Variants in CNTNAP2 observed in about 807,000 individuals in gnomAD.
CNTNAP2 encodes contactin-associated protein-like 2.
In CNTNAP2, 98 loss-of-function variants were observed where a neutral mutation model predicts 155.2. The observed-to-expected ratio is 0.63, with a 90% CI of 0.54 to 0.75. The LOEUF is 0.75. Ranked by LOEUF, CNTNAP2 falls within the 30% of genes least tolerant of loss-of-function variation. CNTNAP2 has a pLI of 0.00. For missense variants in CNTNAP2, 1,727 were observed against 1,688.1 expected (o/e 1.02, Z -0.40); for synonymous variants, 651 against 631.2 (o/e 1.03, Z -0.47).
chr7:146,766,505 A>G (rs1802197258), intron 1 of CNTNAP2, among the ~76,000 whole-genome samples: 3 of 152,182 alleles, frequency 2.0e-5, no homozygotes, highest in Admixed American at 6.6e-5. Flanking sequence ...TGAAGTCACT[A>G]TAGAAACCAT....
chr7:147,658,978 G>T (rs1007435593), intron 13 of CNTNAP2, among the ~76,000 whole-genome samples: 21 of 152,126 alleles, frequency 1.4e-4, no homozygotes, highest in Admixed American at 1.4e-3. Flanking sequence ...GAACTCTTCA[G>T]GGAGGCCCCC....
intron 8 of CNTNAP2, among the ~76,000 whole-genome samples, chr7:147,165,912 C>T (rs549896108): frequency 1.6e-4 from 24 of 152,196 alleles, no homozygotes; most frequent in Middle Eastern, 3.4e-3. Flanking sequence ...GAAAAGGGAA[C>T]GCTTCTACAC....
Position 147,871,985 on chromosome 7 carries a change from AG to A in CNTNAP2, c.2099-31579del, listed in dbSNP as rs1799335294. Among the ~76,000 whole-genome samples the A allele has an allele frequency of 2.0e-5, 3 of 152,194 alleles. No homozygotes were observed. In the South Asian group the frequency reaches 6.2e-4, roughly 32 times the overall value. ...ACGTGTTTTAACTTTTATTCACATGAGTGAAATTGATTTTTAAATTACCACT... is the reference window on the plus strand; with the variant it reads ...ACGTGTTTTAACTTTTATTCACATGATGAAATTGATTTTTAAATTACCACT... On this transcript the variant is annotated intron_variant, in intron 13 of 23. Transcript: ENST00000361727.
intron 1 of CNTNAP2, among the ~76,000 whole-genome samples, chr7:146,410,225 C>A (rs1355420155): frequency 6.6e-6 from 1 of 152,156 alleles, no homozygotes; most frequent in African/African-American, 2.4e-5. Flanking sequence ...TTCTTTCAAC[C>A]TTTTATTTTT....
At chr7:147,670,639 G>A (rs1795771483) in intron 13 of CNTNAP2, among the ~76,000 whole-genome samples, 1 of 152,192 alleles carries the variant, frequency 6.6e-6, no homozygotes, top group Non-Finnish European at 1.5e-5. Context: ...TCTGGCCAGA[G>A]ATGGCCAGAC....
At chr7:146,422,000 C>G (rs1443302620) in intron 1 of CNTNAP2, among the ~76,000 whole-genome samples, 1 of 151,772 alleles carries the variant, frequency 6.6e-6, no homozygotes, top group Non-Finnish European at 1.5e-5. Flanking sequence ...CTACTGCATT[C>G]TATTCAACAA....
chr7:147,314,327 A>C (rs1384744755), intron 9 of CNTNAP2, among the ~76,000 whole-genome samples: 1 of 152,166 alleles, frequency 6.6e-6, no homozygotes, highest in Non-Finnish European at 1.5e-5. Flanking sequence ...AGTTAGCCTT[A>C]AACTTACATT....
intron 12 of CNTNAP2, among the ~76,000 whole-genome samples, chr7:147,630,420 C>T (rs1009559146): frequency 6.7e-6 from 1 of 149,766 alleles, no homozygotes; most frequent in Non-Finnish European, 1.5e-5. Context: ...ACCAATCTTA[C>T]TGAAACTATT....
chr7:148,141,506 A>G (rs1248881532), intron 16 of CNTNAP2, among the ~76,000 whole-genome samples: 3 of 152,226 alleles, frequency 2.0e-5, no homozygotes, highest in East Asian at 1.9e-4. Context: ...CAGAGTATCC[A>G]TGTGATCACT....
At chr7:147,698,761 G>T (rs1426333236) in intron 13 of CNTNAP2, among the ~76,000 whole-genome samples, 2 of 152,096 alleles carry the variant, frequency 1.3e-5, no homozygotes, top group East Asian at 3.9e-4. Flanking sequence ...ATGGGGTTTT[G>T]CCATGTTACC....
intron 23 of CNTNAP2, among the ~76,000 whole-genome samples, chr7:148,414,322 C>G (rs560524687): frequency 6.6e-6 from 1 of 152,098 alleles, no homozygotes; most frequent in African/African-American, 2.4e-5. Context: ...TCAAGTAATC[C>G]GCCCGCCTCA....
intron 10 of CNTNAP2, among the ~76,000 whole-genome samples, chr7:147,474,960 G>A (rs977469773): frequency 1.3e-5 from 2 of 152,094 alleles, no homozygotes; most frequent in South Asian, 4.1e-4. Flanking sequence ...TAGAACAATC[G>A]TCATTTAAAA....
At chr7:148,101,507 A>G (rs1178649484) in intron 15 of CNTNAP2, among the ~76,000 whole-genome samples, 1 of 152,084 alleles carries the variant, frequency 6.6e-6, no homozygotes, top group East Asian at 1.9e-4. Flanking sequence ...ATTCCCCTGC[A>G]TCTGTAGGTA....
intron 1 of CNTNAP2, among the ~76,000 whole-genome samples, chr7:146,252,441 TGACA>T (rs1202643490): frequency 6.6e-6 from 1 of 152,170 alleles, no homozygotes; most frequent in Non-Finnish European, 1.5e-5. Flanking sequence ...ATGACCGCCC[TGACA>T]GACCTTGCAC....
intron 10 of CNTNAP2, among the ~76,000 whole-genome samples, chr7:147,443,694 T>C (rs1797682190): frequency 6.6e-6 from 1 of 152,186 alleles, no homozygotes; most frequent in Non-Finnish European, 1.5e-5. Context: ...ATTTTAAGCA[T>C]TAAATTTCTG....
intron 11 of CNTNAP2, among the ~76,000 whole-genome samples, chr7:147,523,234 T>C (rs1405679552): frequency 6.6e-6 from 1 of 152,168 alleles, no homozygotes; most frequent in Non-Finnish European, 1.5e-5. Context: ...ATCTGTTCTT[T>C]CTCATGGAGC....
chr7:147,209,252 T>A (rs1488368811), intron 8 of CNTNAP2, among the ~76,000 whole-genome samples: 1 of 152,066 alleles, frequency 6.6e-6, no homozygotes, highest in East Asian at 1.9e-4. Context: ...TATTTGCTTG[T>A]GTCATCTGTG....
chr7:146,721,934 G>A (rs1338451158), intron 1 of CNTNAP2, among the ~76,000 whole-genome samples: 1 of 131,294 alleles, frequency 7.6e-6, no homozygotes, highest in Non-Finnish European at 1.5e-5. Context: ...TGTAGCCCAG[G>A]CTGGAGTGCA....
chr7:146,588,931 C>T (rs755854872), intron 1 of CNTNAP2, among the ~76,000 whole-genome samples: 1 of 151,334 alleles, frequency 6.6e-6, no homozygotes, highest in Non-Finnish European at 1.5e-5. Context: ...AAAGGATCTG[C>T]AATATTAAAC....
Sources: gnomAD v4.1 joint callset for allele counts (sites outside exome capture counted in the v4.1 genomes callset) on GRCh38, gnomAD v4.1.1 for gene constraint, MANE v1.5 for transcripts, NCBI Gene and HGNC (gene_info 2026-07-23, HGNC 2026-07-21) for gene names.